Variants in ERBB4 observed in about 807,000 individuals in gnomAD.
ERBB4 encodes receptor tyrosine-protein kinase erbB-4.
A neutral mutation model predicts 158.0 loss-of-function variants in ERBB4; 42 were observed. The observed-to-expected ratio is 0.27, with a 90% confidence interval of 0.21 to 0.34. The LOEUF (loss-of-function observed/expected upper bound fraction) is 0.34, where lower values mean the gene tolerates loss of function less well. Ranked by LOEUF, ERBB4 falls within the 10% of genes least tolerant of loss-of-function variation. The probability of loss-of-function intolerance (pLI) is 1.00; values close to 1 mark genes in which losing one functional copy is unlikely to be tolerated. For synonymous variants in ERBB4, 583 were observed against 558.7 expected, an observed-to-expected ratio of 1.04 and a Z score of -0.61; for missense variants, 1,333 against 1,624.1, an observed-to-expected ratio of 0.82 and a Z score of 3.08.
In ERBB4 at chr2:212,383,923, G is replaced by GTAA. The variant is rs542541172; in HGVS notation, c.82+154525_82+154526insTTA. 1.1e-3 allele frequency among the ~76,000 whole-genome samples: 163 copies of GTAA among 151,774 alleles called. 3 individuals carry two copies. In the South Asian group the frequency reaches 0.033, roughly 31 times the overall value. ...AATGTCCTACAGAACTCTGAACACA[G>GTAA]TGCATTACCCATTGTCATTGCTTGC... On this transcript the variant is annotated intron_variant, in intron 1 of 27. Transcript: ENST00000342788.
chr2:211,757,926 C>T (rs1479242046), intron 4 of ERBB4, among the ~76,000 whole-genome samples: 1 of 152,162 alleles, frequency 6.6e-6, no homozygotes, highest in Non-Finnish European at 1.5e-5. Context: ...TTTTCAAAAT[C>T]TCTTAACTCA....
chr2:212,475,759 CAA>C (rs1689355556), intron 1 of ERBB4, among the ~76,000 whole-genome samples: 2 of 151,918 alleles, frequency 1.3e-5, no homozygotes, highest in Non-Finnish European at 2.9e-5. Flanking sequence ...TGAATTAGAA[CAA>C]AAGTTATTGG....
intron 25 of ERBB4, among the ~76,000 whole-genome samples, chr2:211,393,770 T>C (rs2062854307): frequency 1.3e-5 from 2 of 151,422 alleles, no homozygotes; most frequent in Non-Finnish European, 2.9e-5. Flanking sequence ...TGTGTGTGTG[T>C]GTGTGTGTGT....
At chr2:211,803,151 A>C (rs2076537906) in intron 3 of ERBB4, among the ~76,000 whole-genome samples, 1 of 152,224 alleles carries the variant, frequency 6.6e-6, no homozygotes, top group African/African-American at 2.4e-5. Context: ...GCAAATGCCT[A>C]TTAATAATAG....
In ERBB4 at chr2:211,869,097, A is replaced by G. The variant is rs887151657; in HGVS notation, c.421+78333T>C. On this transcript the variant is annotated intron_variant, in intron 3 of 27. Coordinates refer to ENST00000342788, the MANE Select transcript of ERBB4 (RefSeq NM_005235.3). ...AGCCCCTTTGGAATCTTGTCCCAAC[A>G]ATTTTTTCACTTGATTCCATGAACT... Among the ~76,000 whole-genome samples the G allele has an allele frequency of 4.3e-5, 6 of 139,200 alleles. No homozygotes were observed. In the East Asian group the frequency reaches 1.0e-3, roughly 24 times the overall value. The allele number at this position is 139,200 out of a possible 152,430, so 91.3% of individuals were successfully genotyped here.
intron 3 of ERBB4, among the ~76,000 whole-genome samples, chr2:211,853,032 G>A (rs16847063): frequency 0.25 from 37,260 of 151,758 alleles, 5,475 homozygotes; most frequent in East Asian, 0.42. Flanking sequence ...TAGTTCTGTC[G>A]ATTTGTGCTT....
At chr2:211,846,169 C>T (rs556721479) in intron 3 of ERBB4, among the ~76,000 whole-genome samples, 1 of 151,698 alleles carries the variant, frequency 6.6e-6, no homozygotes, top group Non-Finnish European at 1.5e-5. Flanking sequence ...CTCACTGTAA[C>T]AGATGAGATT....
chr2:211,576,820 G>T (rs1309977373), intron 19 of ERBB4, among the ~76,000 whole-genome samples: 2 of 152,048 alleles, frequency 1.3e-5, no homozygotes, highest in Non-Finnish European at 2.9e-5. Flanking sequence ...AAAACTGAAT[G>T]CAAGTAAACA....
intron 3 of ERBB4, among the ~76,000 whole-genome samples, chr2:211,902,296 C>A (rs768077921): frequency 2.6e-5 from 4 of 151,924 alleles, no homozygotes; most frequent in African/African-American, 9.7e-5. Flanking sequence ...AACGGTATAA[C>A]GGTATTTTAA....
At chr2:212,148,820 G>T (rs1575705721) in intron 1 of ERBB4, among the ~76,000 whole-genome samples, 1 of 136,142 alleles carries the variant, frequency 7.3e-6, no homozygotes. Flanking sequence ...ATACACCATG[G>T]AATACTATGC....
intron 9 of ERBB4, among the ~76,000 whole-genome samples, chr2:211,707,926 G>A (rs1021533540): frequency 6.6e-6 from 1 of 152,094 alleles, no homozygotes; most frequent in African/African-American, 2.4e-5. Flanking sequence ...CATTTTATCA[G>A]TTAAAAACAT....
chr2:212,538,738 G>A lies in ERBB4; in HGVS notation c.-208C>T, dbSNP rs1575106767. On this transcript the variant is annotated 5_prime_UTR_variant, in exon 1 of 28. Coordinates refer to ENST00000342788, the MANE Select transcript of ERBB4 (RefSeq NM_005235.3). ...CGGGGCCCGAGGAGGGGGCGAGTGT[G>A]AGCGCGTGTGTGCGCGTGTGGGAGT... The A allele has an allele frequency of 1.7e-5, 7 of 405,518 alleles. No individual in the cohort carries two copies. Among genetic ancestry groups the A allele is most frequent in the Non-Finnish European group, 8.5e-6 (2 of 234,862 alleles). The allele number at this position is 405,518 out of a possible 1,614,324, so 25.1% of individuals were successfully genotyped here.
chr2:211,466,156 A>G (rs892066724), intron 20 of ERBB4, among the ~76,000 whole-genome samples: 1 of 152,046 alleles, frequency 6.6e-6, no homozygotes, highest in African/African-American at 2.4e-5. Flanking sequence ...GAGCTCTGAC[A>G]TTTTTAAAAG....
At position 212,362,357 on chromosome 2, in the gene ERBB4, T is replaced by G. The variant is rs536797627; in HGVS notation, c.82+176092A>C. ...CAAATAGGGCTTACAATACATGCTT[T>G]TAGGTTATCTACCACCTGTTTTAGC... On this transcript the variant is annotated intron_variant, in intron 1 of 27. Transcript: ENST00000342788. 2.6e-5 allele frequency among the ~76,000 whole-genome samples: 4 copies of G among 151,574 alleles called. No homozygotes were observed. In the South Asian group the frequency reaches 8.3e-4, roughly 31 times the overall value.
intron 1 of ERBB4, among the ~76,000 whole-genome samples, chr2:212,442,137 G>A (rs2092266949): frequency 6.6e-6 from 1 of 151,748 alleles, no homozygotes; most frequent in Non-Finnish European, 1.5e-5. Context: ...GTAGAGCTCT[G>A]GCATTGGCTA....
chr2:211,986,349 G>A (rs1405208221), intron 2 of ERBB4, among the ~76,000 whole-genome samples: 2 of 152,144 alleles, frequency 1.3e-5, no homozygotes, highest in East Asian at 1.9e-4. Flanking sequence ...TTTTTTGTGT[G>A]TGTAGAAGAG....
intron 1 of ERBB4, among the ~76,000 whole-genome samples, chr2:212,374,107 CACA>C (rs2090237287): frequency 7.3e-6 from 1 of 137,482 alleles, no homozygotes; most frequent in African/African-American, 2.8e-5. Flanking sequence ...TATATATACA[CACA>C]CATATATAGC....
intron 1 of ERBB4, among the ~76,000 whole-genome samples, chr2:212,233,419 C>T (rs1467829986): frequency 6.6e-6 from 1 of 152,000 alleles, no homozygotes. Flanking sequence ...ATTTTTCATA[C>T]TATTTTCAAA....
At chr2:211,857,924 T>C (rs1442908746) in intron 3 of ERBB4, among the ~76,000 whole-genome samples, 2 of 152,212 alleles carry the variant, frequency 1.3e-5, no homozygotes, top group South Asian at 2.1e-4. Context: ...AAATCCTCTG[T>C]CATCTGTATG....
Sources: gnomAD v4.1 joint callset for allele counts (sites outside exome capture counted in the v4.1 genomes callset) on GRCh38, gnomAD v4.1.1 for gene constraint, MANE v1.5 for transcripts, NCBI Gene and HGNC (gene_info 2026-07-23, HGNC 2026-07-21) for gene names.